Variants in BACH2 observed in about 807,000 individuals in gnomAD.
The protein encoded by BACH2 is transcription regulator protein BACH2.
Under a neutral mutation model 61.8 loss-of-function variants are expected in BACH2, and 5 were observed. That is an observed-to-expected ratio of 0.08 (90% confidence interval 0.04 to 0.17). The LOEUF (loss-of-function observed/expected upper bound fraction) is 0.17, where lower values mean the gene tolerates loss of function less well. Among genes scored for constraint, BACH2 ranks in the 10% least tolerant of loss-of-function variants. BACH2 has a pLI of 1.00. For missense variants in BACH2, 824 were observed against 1,091.1 expected (o/e 0.76, Z 3.45); for synonymous variants, 446 against 440.1 (o/e 1.01, Z -0.17).
chr6:89,962,265 C>T (rs1431285451), intron 6 of BACH2, among the ~76,000 whole-genome samples: 1 of 152,136 alleles, frequency 6.6e-6, no homozygotes, highest in Non-Finnish European at 1.5e-5. Flanking sequence ...CTAGGGCTTC[C>T]TTTCCCTTTT....
intron 1 of BACH2, among the ~76,000 whole-genome samples, chr6:90,277,148 C>T (rs774462665): frequency 5.9e-5 from 9 of 152,160 alleles, no homozygotes; most frequent in Non-Finnish European, 1.3e-4. Context: ...CCTGATTTAA[C>T]TCCTAAATAT....
At chr6:90,295,654 G>GGGGTGTGTGT (rs377584550) in intron 1 of BACH2, among the ~76,000 whole-genome samples, 4 of 147,828 alleles carry the variant, frequency 2.7e-5, no homozygotes, top group African/African-American at 9.9e-5. Context: ...TGGAGTGTAG[G>GGGGTGTGTGT]GTGTGTGTGT....
chr6:90,085,723 T>G (rs1340784439), intron 5 of BACH2, among the ~76,000 whole-genome samples: 10 of 152,168 alleles, frequency 6.6e-5, no homozygotes, highest in Admixed American at 6.5e-4. Context: ...GACATAATGA[T>G]CTGTTCTTCC....
chr6:90,115,934 T>C (rs866580074), intron 4 of BACH2, among the ~76,000 whole-genome samples: 1 of 152,094 alleles, frequency 6.6e-6, no homozygotes, highest in Non-Finnish European at 1.5e-5. Flanking sequence ...ATATCACTGA[T>C]TATAGAAATG....
rs79556586 is a variant in BACH2, at chr6:89,948,703, G to A, written c.1836+1567C>T. On this transcript the variant is annotated intron_variant, in intron 7 of 8. Coordinates refer to ENST00000257749, the MANE Select transcript of BACH2 (RefSeq NM_021813.4). Reference sequence around the variant, plus strand: ...AAAAGAGGTCAGAGGGAAAGAATGAGTGAGGAGAGAGAAAACACAGCCTTT... The same window carrying A: ...AAAAGAGGTCAGAGGGAAAGAATGAATGAGGAGAGAGAAAACACAGCCTTT... Among the ~76,000 whole-genome samples the A allele has an allele frequency of 3.9e-3, 590 of 152,284 alleles. 1 individual carries two copies. Among genetic ancestry groups the A allele is most frequent in the African/African-American group, 0.014 (562 of 41,560 alleles).
chr6:90,103,713 CG>C (rs1490009843), intron 4 of BACH2, among the ~76,000 whole-genome samples: 1 of 152,006 alleles, frequency 6.6e-6, no homozygotes, highest in Non-Finnish European at 1.5e-5. Context: ...AACATGTTTA[CG>C]TTTGGGGGAT....
chr6:90,029,044 T>C (rs2127787219), intron 5 of BACH2, among the ~76,000 whole-genome samples: 1 of 152,370 alleles, frequency 6.6e-6, no homozygotes, highest in South Asian at 2.1e-4. Flanking sequence ...TCATTTCCAG[T>C]TTGACAATGG....
At chr6:90,195,535 A>G (rs202020801) in intron 4 of BACH2, among the ~76,000 whole-genome samples, 2 of 152,154 alleles carry the variant, frequency 1.3e-5, no homozygotes, top group East Asian at 1.9e-4. Context: ...CGGCTCTAAT[A>G]ACAGATAAGA....
chr6:90,256,085 G>T (rs950546144), intron 2 of BACH2, among the ~76,000 whole-genome samples: 1 of 152,056 alleles, frequency 6.6e-6, no homozygotes, highest in East Asian at 1.9e-4. Context: ...AACTTCACCA[G>T]TGAACTCAAT....
chr6:89,966,513 A>G (rs1156714890), intron 6 of BACH2, among the ~76,000 whole-genome samples: 1 of 152,224 alleles, frequency 6.6e-6, no homozygotes, highest in East Asian at 1.9e-4. Context: ...TGTAGCTTTT[A>G]GGGATGCAGA....
intron 3 of BACH2, among the ~76,000 whole-genome samples, chr6:90,218,967 G>T (rs1349399918): frequency 6.6e-6 from 1 of 151,418 alleles, no homozygotes; most frequent in Non-Finnish European, 1.5e-5. Context: ...GACACAGAGA[G>T]TGAGAGTGCA....
chr6:89,977,621 C>T (rs545748892), intron 6 of BACH2, among the ~76,000 whole-genome samples: 1 of 152,288 alleles, frequency 6.6e-6, no homozygotes, highest in Non-Finnish European at 1.5e-5. Flanking sequence ...TGCTGTCTTA[C>T]AAATAGGATT....
At chr6:89,942,010 A>G (rs1156445633) in intron 7 of BACH2, among the ~76,000 whole-genome samples, 1 of 151,362 alleles carries the variant, frequency 6.6e-6, no homozygotes, top group Non-Finnish European at 1.5e-5. Flanking sequence ...CTGCTGCAAC[A>G]CAATCTGCTT....
rs888763860 is a variant in BACH2 at position 90,101,323 on chromosome 6, T to A, written c.-161-12214A>T. Among the ~76,000 whole-genome samples, 4 of 152,224 alleles carry A rather than the reference T, an allele frequency of 2.6e-5. No individual in the cohort carries two copies. In the South Asian group the frequency reaches 8.3e-4, roughly 31 times the overall value. On this transcript the variant is annotated intron_variant, in intron 4 of 8. Transcript: ENST00000257749. ...TAAGAATCCACTGCCTAACGCAAGGTCACAAAAATGTATCCCTATATTTTC... is the reference window on the plus strand; with the variant it reads ...TAAGAATCCACTGCCTAACGCAAGGACACAAAAATGTATCCCTATATTTTC...
chr6:89,987,102 A>G (rs1217652521), intron 6 of BACH2, among the ~76,000 whole-genome samples: 1 of 152,200 alleles, frequency 6.6e-6, no homozygotes, highest in Non-Finnish European at 1.5e-5. Flanking sequence ...CTACTCCAGG[A>G]GATAGAATCA....
At chr6:90,092,168 T>C (rs1463480422) in intron 4 of BACH2, among the ~76,000 whole-genome samples, 1 of 151,662 alleles carries the variant, frequency 6.6e-6, no homozygotes, top group African/African-American at 2.4e-5. Flanking sequence ...ACAACTATCA[T>C]TGCAAAGCTA....
At chr6:89,970,236 T>C (rs556388016) in intron 6 of BACH2, among the ~76,000 whole-genome samples, 7 of 152,354 alleles carry the variant, frequency 4.6e-5, no homozygotes, top group African/African-American at 1.2e-4. Context: ...AGTGCTGTCC[T>C]GCCACCTCAA....
intron 4 of BACH2, among the ~76,000 whole-genome samples, chr6:90,157,477 C>T (rs867929351): frequency 2.6e-5 from 4 of 152,190 alleles, no homozygotes; most frequent in Admixed American, 6.5e-5. Context: ...TTATTTTACA[C>T]GACAGAGTTG....
At chr6:90,125,045 T>A (rs1359487971) in intron 4 of BACH2, among the ~76,000 whole-genome samples, 2 of 152,262 alleles carry the variant, frequency 1.3e-5, no homozygotes, top group Admixed American at 1.3e-4. Flanking sequence ...TCTGTATTTC[T>A]CATTTTGTGA....
Sources: gnomAD v4.1 joint callset for allele counts (sites outside exome capture counted in the v4.1 genomes callset) on GRCh38, gnomAD v4.1.1 for gene constraint, MANE v1.5 for transcripts, NCBI Gene and HGNC (gene_info 2026-07-23, HGNC 2026-07-21) for gene names.